Variants in ARL6 observed in about 807,000 individuals in gnomAD.
ARL6 encodes ADP-ribosylation factor-like protein 6.
Under a neutral mutation model 27.1 loss-of-function variants are expected in ARL6, and 18 were observed. The observed-to-expected ratio is 0.66, with a 90% confidence interval of 0.46 to 0.98. The LOEUF (loss-of-function observed/expected upper bound fraction) is 0.98, where lower values mean the gene tolerates loss of function less well. ARL6 is among the 50% of genes least tolerant of loss of function. The pLI is 0.00. For synonymous variants in ARL6, 65 were observed against 72.3 expected, an observed-to-expected ratio of 0.90 and a Z score of 0.51; for missense variants, 187 against 214.9, an observed-to-expected ratio of 0.87 and a Z score of 0.81.
At chr3:97,780,276 G>T in intron 3 of ARL6, 56 bp downstream of exon 3, 1 of 1,298,924 alleles carries the variant, frequency 7.7e-7, no homozygotes, top group Non-Finnish European at 1.1e-6. Context: ...ACAATATTAG[G>T]TCTACCTGGT....
intron 4 of ARL6, 92 bp downstream of exon 4, chr3:97,780,775 C>CTT (rs1372307152): frequency 3.3e-5 from 25 of 768,540 alleles, no homozygotes; most frequent in African/African-American, 3.7e-5. Flanking sequence ...GGTTGTTTGG[C>CTT]TTTTTTTTTT....
At chr3:97,785,335 CAAAA>C (rs35946388) in intron 5 of ARL6, among the ~76,000 whole-genome samples, 1 of 115,700 alleles carries the variant, frequency 8.6e-6, no homozygotes. Context: ...TGTACCAAAG[CAAAA>C]AAAAAAAAAA....
At chr3:97,794,021 T>C (rs1352330240) in intron 7 of ARL6, among the ~76,000 whole-genome samples, 8 of 152,156 alleles carry the variant, frequency 5.3e-5, no homozygotes, top group Admixed American at 5.2e-4. Flanking sequence ...AATTAGATAC[T>C]GTTAAAGTAC....
At chr3:97,780,775 C>CA in intron 4 of ARL6, 92 bp downstream of exon 4, 1 of 768,670 alleles carries the variant, frequency 1.3e-6, no homozygotes, top group Non-Finnish European at 2.0e-6. Context: ...GGTTGTTTGG[C>CA]TTTTTTTTTT....
At position 97,800,091 on chromosome 3, in the gene ARL6, T is replaced by G. The variant is rs922515360; in HGVS notation, c.*2042T>G. Reference sequence around the variant, plus strand: ...CTTTGATAAAAGTCCTTAAAACTATTTTGACATTAAATTATTTGGTATTCC... The same window carrying G: ...CTTTGATAAAAGTCCTTAAAACTATGTTGACATTAAATTATTTGGTATTCC... On this transcript the variant is annotated 3_prime_UTR_variant, in exon 8 of 8. Coordinates refer to ENST00000463745, the MANE Select transcript of ARL6 (RefSeq NM_001278293.3). 2.0e-5 allele frequency: 3 copies of G among 152,156 alleles called. No homozygotes were observed. The highest frequency in any genetic ancestry group is 4.4e-5 in the Non-Finnish European group (3 of 68,006). 9.4% of individuals were successfully genotyped at this position (152,156 alleles called of 1,614,324 possible). A position where few individuals can be genotyped will look rare whatever the true frequency, so the allele number is the denominator to read the frequency against.
chr3:97,796,515 T>C (rs1414077231), intron 7 of ARL6, among the ~76,000 whole-genome samples: 1 of 151,872 alleles, frequency 6.6e-6, no homozygotes, highest in Non-Finnish European at 1.5e-5. Context: ...TAATAGGAAA[T>C]TCAGAAAGAG....
chr3:97,775,561 T>C (rs2036856254), intron 2 of ARL6, among the ~76,000 whole-genome samples: 1 of 152,128 alleles, frequency 6.6e-6, no homozygotes, highest in Admixed American at 6.5e-5. Context: ...GACTCAAATG[T>C]TAATCTCCTT....
chr3:97,772,619 CTT>C (rs571939797), intron 2 of ARL6, among the ~76,000 whole-genome samples: 5 of 124,400 alleles, frequency 4.0e-5, no homozygotes, highest in Admixed American at 8.1e-5. Context: ...AGGCTTGTTA[CTT>C]TTTTTTTTTT....
intron 2 of ARL6, among the ~76,000 whole-genome samples, chr3:97,774,501 T>G (rs112877799): frequency 0.011 from 1,606 of 150,606 alleles, 15 homozygotes; most frequent in Middle Eastern, 0.017. Context: ...GCAGCATGGG[T>G]GGGGGAGGGG....
intron 6 of ARL6, among the ~76,000 whole-genome samples, chr3:97,790,414 T>A (rs1193256309): frequency 3.3e-5 from 5 of 151,986 alleles, no homozygotes; most frequent in Non-Finnish European, 7.4e-5. Context: ...TTGTAGGAAA[T>A]GAGGCCACTG....
intron 4 of ARL6, among the ~76,000 whole-genome samples, chr3:97,783,633 G>T (rs940108043): frequency 1.3e-5 from 2 of 151,690 alleles, no homozygotes; most frequent in Admixed American, 1.3e-4. Context: ...TATATGTACT[G>T]GTAATGTATG....
At chr3:97,790,593 C>A (rs1424646159) in intron 6 of ARL6, among the ~76,000 whole-genome samples, 1 of 152,098 alleles carries the variant, frequency 6.6e-6, no homozygotes, top group Admixed American at 6.6e-5. Flanking sequence ...TTGTTTGGAA[C>A]TATAGGTGTA....
rs1455604002 is a variant in ARL6 at position 97,798,053 on chromosome 3, G to T, written c.*4G>T. On this transcript the variant is annotated 3_prime_UTR_variant, in exon 8 of 8. Coordinates refer to ENST00000463745, the MANE Select transcript of ARL6 (RefSeq NM_001278293.3). The stretch of plus-strand genomic sequence containing the variant: ...GATCCAGACTGTGAAGACATGAAAA[G>T]ATAATAGTTGGAAACCTCAGCAATT... 1.2e-6 allele frequency: 2 copies of T among 1,612,778 alleles called. No individual in the cohort carries two copies. Among genetic ancestry groups the T allele is most frequent in the East Asian group, 2.2e-5 (1 of 44,774 alleles).
chr3:97,791,961 A>G (rs1576473047), intron 7 of ARL6, 135 bp downstream of exon 7: 3 of 750,854 alleles, frequency 4.0e-6, no homozygotes, highest in Non-Finnish European at 6.6e-6. Flanking sequence ...AGAAAAAACA[A>G]TACAGTAAGT....
chr3:97,785,182 T>C, intron 5 of ARL6, 133 bp downstream of exon 5: 1 of 629,906 alleles, frequency 1.6e-6, no homozygotes, highest in East Asian at 2.8e-5. Context: ...ATATATGTTA[T>C]ACAAAATTTA....
At position 97,800,198 on chromosome 3, in the gene ARL6, A is replaced by G. The variant is rs2038190988; in HGVS notation, c.*2149A>G. ...TTTCTTTGTTTTCATGATCTCCAAA[A>G]TCTAGTTTTTAGTCTATAAACATCC... On this transcript the variant is annotated 3_prime_UTR_variant, in exon 8 of 8. Transcript: ENST00000463745. 1.3e-5 allele frequency: 2 copies of G among 152,072 alleles called. No homozygotes were observed. The highest frequency in any genetic ancestry group is 6.6e-5 in the Admixed American group (1 of 15,248). 9.4% of individuals were successfully genotyped at this position (152,072 alleles called of 1,614,324 possible). A position where few individuals can be genotyped will look rare whatever the true frequency, so the allele number is the denominator to read the frequency against.
rs977938918 is a variant in ARL6, at chr3:97,791,756, T to C, written c.480-15T>C. The stretch of plus-strand genomic sequence containing the variant: ...TGTAATGAGATGGCTATGTTTCTTA[T>C]GGATTTCATTTCAGTGCTAGTGATG... On this transcript the variant is annotated splice_polypyrimidine_tract_variant and intron_variant, in intron 6 of 7. Transcript: ENST00000463745. 9 of 1,612,896 alleles carry C rather than the reference T, an allele frequency of 5.6e-6. No homozygotes were observed. Among genetic ancestry groups the C allele is most frequent in the South Asian group, 3.3e-5 (3 of 91,048 alleles).
At chr3:97,771,175 T>C (rs186779542) in intron 2 of ARL6, among the ~76,000 whole-genome samples, 1 of 152,204 alleles carries the variant, frequency 6.6e-6, no homozygotes, top group Admixed American at 6.5e-5. Context: ...TTTCATGTTT[T>C]TGTGTCCTCT....
intron 7 of ARL6, among the ~76,000 whole-genome samples, chr3:97,792,444 C>T (rs1161587144): frequency 1.3e-5 from 2 of 152,100 alleles, no homozygotes; most frequent in East Asian, 1.9e-4. Flanking sequence ...GATTGCGCCA[C>T]AGCACTCCAG....
Sources: allele counts gnomAD v4.1 joint callset (sites outside exome capture counted in the v4.1 genomes callset), GRCh38; gene constraint gnomAD v4.1.1; transcripts MANE v1.5; gene names NCBI Gene and HGNC (gene_info 2026-07-23, HGNC 2026-07-21).